The following EIF2D variants were observed in gnomAD, a reference collection of about 807,000 sequenced individuals.
EIF2D encodes eukaryotic translation initiation factor 2D.
In EIF2D, 56 loss-of-function variants were observed where a neutral mutation model predicts 77.4. The observed-to-expected ratio is 0.72, with a 90% CI of 0.58 to 0.90. The LOEUF (loss-of-function observed/expected upper bound fraction) is 0.90, where lower values mean the gene tolerates loss of function less well. Ranked by LOEUF, EIF2D falls within the 40% of genes least tolerant of loss-of-function variation. EIF2D has a pLI of 0.00. For missense variants in EIF2D, 574 were observed against 706.5 expected, an observed-to-expected ratio of 0.81 and a Z score of 2.13; for synonymous variants, 230 against 271.0, an observed-to-expected ratio of 0.85 and a Z score of 1.49.
Position 206,608,232 on chromosome 1 carries a change from G to A in EIF2D, c.422+4C>T, listed in dbSNP as rs782520765. On this transcript the variant is annotated splice_donor_region_variant and intron_variant, in intron 4 of 14. Coordinates refer to ENST00000271764, the MANE Select transcript of EIF2D (RefSeq NM_006893.3). ...CCCAAAGGCACAGTTGCCTGGCACA[G>A]TACCTGTTCCCCACCAAAGAAATGG... The A allele has an allele frequency of 1.8e-5, 29 of 1,612,618 alleles. No homozygotes were observed. Among genetic ancestry groups the A allele is most frequent in the Admixed American group, 5.0e-5 (3 of 59,830 alleles).
chr1:206,605,791 ATC>A lies in EIF2D; in HGVS notation c.423-286_423-285del, dbSNP rs139289336. On this transcript the variant is annotated intron_variant, in intron 4 of 14. Transcript: ENST00000271764. ...TTGTTTTATTCCTGCTGTGAATTAA[ATC>A]TCCAGGTGGGTCTTGGAAGGATATT... Among the ~76,000 whole-genome samples, 1,053 of 152,338 alleles carry A rather than the reference ATC, an allele frequency of 6.9e-3. 10 individuals are homozygous for A. Among genetic ancestry groups the A allele is most frequent in the African/African-American group, 0.024 (1,005 of 41,576 alleles).
chr1:206,582,858 T>G (rs1668947521), intron 2 of EIF2D, among the ~76,000 whole-genome samples: 1 of 152,188 alleles, frequency 6.6e-6, no homozygotes, highest in Non-Finnish European at 1.5e-5. Context: ...AGACCATGGC[T>G]TGTATTTCTT....
chr1:206,593,909 T>C (rs1558531021), intron 13 of EIF2D, 116 bp from the exon 14 acceptor site: 1 of 881,112 alleles, frequency 1.1e-6, no homozygotes, highest in African/African-American at 1.7e-5. Flanking sequence ...TGGTTCACCA[T>C]TCCTATAACC....
chr1:206,583,178 TG>T, intron 2 of EIF2D: 1 of 827,032 alleles, frequency 1.2e-6, no homozygotes, highest in Non-Finnish European at 2.1e-6. Flanking sequence ...GCTCACTTCT[TG>T]GTTAGAGAGG....
chr1:206,599,202 C>T lies in EIF2D; in HGVS notation c.1203-110G>A. 9.3e-7 allele frequency: 1 copy of T among 1,073,796 alleles called. No homozygotes were observed. Among genetic ancestry groups the T allele is most frequent in the Non-Finnish European group, 1.4e-6 (1 of 733,696 alleles). 66.5% of individuals were successfully genotyped at this position (1,073,796 alleles called of 1,614,324 possible). A position where few individuals can be genotyped will look rare whatever the true frequency, so the allele number is the denominator to read the frequency against. The stretch of plus-strand genomic sequence containing the variant: ...GCAGGGAACTTTCCTTAGCTTTCGG[C>T]CTCTAGTTTCTTCCCTTTTCCTGAC... On this transcript the variant is annotated intron_variant, in intron 10 of 14. Transcript: ENST00000271764. This position sits in a 1 kb window ranked among gnomAD's most constrained non-coding sequence, Gnocchi z 4.1.
intron 4 of EIF2D, 116 bp from the exon 5 acceptor site, chr1:206,605,623 TG>T (rs1670170951): frequency 3.1e-5 from 26 of 846,900 alleles, no homozygotes; most frequent in Non-Finnish European, 4.5e-5. Flanking sequence ...TCGAAGGTCT[TG>T]TATCATAAAA....
intron 14 of EIF2D, among the ~76,000 whole-genome samples, chr1:206,593,088 G>A (rs1553409209): frequency 6.7e-6 from 1 of 149,718 alleles, no homozygotes; most frequent in South Asian, 2.1e-4. Context: ...TCCAGCCTGG[G>A]TGACAGAGCG....
At chr1:206,605,590 G>T in intron 4 of EIF2D, 83 bp from the exon 5 acceptor site, 1 of 1,183,374 alleles carries the variant, frequency 8.5e-7, no homozygotes, top group Non-Finnish European at 1.2e-6. Flanking sequence ...GACACATGTG[G>T]TAAAAATACC....
At chr1:206,597,449 TG>T (rs1669705143) in intron 11 of EIF2D, among the ~76,000 whole-genome samples, 1 of 152,246 alleles carries the variant, frequency 6.6e-6, no homozygotes, top group South Asian at 2.1e-4. Flanking sequence ...TAACTAAGCA[TG>T]TGACCACAGC....
chr1:206,586,005 G>C (rs1669097321), intron 2 of EIF2D: 1 of 152,310 alleles, frequency 6.6e-6, no homozygotes. Context: ...TCCATGGACA[G>C]TAGCTGAATG....
In EIF2D at chr1:206,584,618, A is replaced by G; in HGVS notation, c.139-3456T>C. 6.2e-7 allele frequency: 1 copy of G among 1,614,188 alleles called. No individual in the cohort carries two copies. The highest frequency in any genetic ancestry group is 2.2e-5 in the East Asian group (1 of 44,886). On this transcript the variant is annotated intron_variant and NMD_transcript_variant, in intron 2 of 5. Coordinates refer to the EIF2D transcript ENST00000472709. This position sits in a 1 kb window ranked among gnomAD's most constrained non-coding sequence, Gnocchi z 4.9. ...TGAGGTCATCCAGGGGCTGCTCAAG[A>G]AGTTCATGGTTGTGGACAATCCCCA... is the stretch of plus-strand genomic sequence containing the variant.
rs782332000 is a variant in EIF2D at position 206,584,399 on chromosome 1, A to G, written c.139-3237T>C. ...CCCCCGCTGGCAGAGTGAAGACGGCACCTACACGGGTTTCATCAAAGTGCA... is the reference window on the plus strand; with the variant it reads ...CCCCCGCTGGCAGAGTGAAGACGGCGCCTACACGGGTTTCATCAAAGTGCA... On this transcript the variant is annotated intron_variant and NMD_transcript_variant, in intron 2 of 5. Transcript: ENST00000472709. This position sits in a 1 kb window ranked among gnomAD's most constrained non-coding sequence, Gnocchi z 4.9. 1 of 1,612,680 alleles carries G rather than the reference A, an allele frequency of 6.2e-7. No homozygotes were observed. The highest frequency in any genetic ancestry group is 8.5e-7 in the Non-Finnish European group (1 of 1,179,080).
chr1:206,589,231 A>G (rs1325119621), downstream of EIF2D: 1 of 152,684 alleles, frequency 6.5e-6, no homozygotes, highest in Non-Finnish European at 1.5e-5. Context: ...TGTCTTTCTT[A>G]TATGGGTTTT....
downstream of EIF2D, chr1:206,587,820 T>A (rs1210779587): frequency 6.6e-6 from 1 of 152,492 alleles, no homozygotes; most frequent in African/African-American, 2.4e-5. Flanking sequence ...CTGCTAAGTA[T>A]GGAAATCAGA....
At chr1:206,600,401 C>T (rs1669869972) in intron 7 of EIF2D, 93 bp from the exon 8 acceptor site, 3 of 1,178,634 alleles carry the variant, frequency 2.5e-6, no homozygotes, top group Admixed American at 1.9e-5. Flanking sequence ...CTCAGCCTTC[C>T]TCCCCCACCT....
At chr1:206,605,276 G>T (rs940828769) in intron 5 of EIF2D, 124 bp downstream of exon 5, 11 of 569,720 alleles carry the variant, frequency 1.9e-5, no homozygotes, top group Non-Finnish European at 3.3e-5. Context: ...GGAAATAAAA[G>T]TCTGGGCTTA....
rs1485523455 is a variant in EIF2D at position 206,584,146 on chromosome 1, C to T, written c.139-2984G>A. Among the ~76,000 whole-genome samples the T allele has an allele frequency of 1.3e-5, 2 of 152,170 alleles. No individual in the cohort carries two copies. The highest frequency in any genetic ancestry group is 2.9e-5 in the Non-Finnish European group (2 of 68,016). The stretch of plus-strand genomic sequence containing the variant: ...GGTTTAGGGAGCTGGCCTGAGCCTC[C>T]TGGGAGGGAAATCCACTGCAGCCCC... On this transcript the variant is annotated intron_variant and NMD_transcript_variant, in intron 2 of 5. Coordinates refer to the EIF2D transcript ENST00000472709. This position sits in a 1 kb window ranked among gnomAD's most constrained non-coding sequence, Gnocchi z 4.9.
intron 11 of EIF2D, among the ~76,000 whole-genome samples, chr1:206,598,638 A>ACG (rs201032409): frequency 0.47 from 71,517 of 151,824 alleles, 17,008 homozygotes; most frequent in African/African-American, 0.55. Context: ...ACAAAATACC[A>ACG]TGCACCCCAT....
rs782062586 is a variant in EIF2D at position 206,595,839 on chromosome 1, C to T, written c.1389-1G>A. 1 of 1,613,922 alleles carries T rather than the reference C, an allele frequency of 6.2e-7. No individual in the cohort carries two copies. The highest frequency in any genetic ancestry group is 1.1e-5 in the South Asian group (1 of 91,058). On this transcript the variant is annotated splice_acceptor_variant, in intron 12 of 14. Coordinates refer to ENST00000271764, the MANE Select transcript of EIF2D (RefSeq NM_006893.3). LOFTEE classifies it high-confidence loss of function. ...GGCAGGCTGTAATTTTTCCAAACAC[C>T]TGAAACAGAAGTTATGAGTTGCAAA... is the stretch of plus-strand genomic sequence containing the variant.
Sources: gnomAD v4.1 joint callset for allele counts (sites outside exome capture counted in the v4.1 genomes callset) on GRCh38, gnomAD v4.1.1 for gene constraint, Gnocchi (gnomAD v3.1) non-coding constraint, MANE v1.5 for transcripts, NCBI Gene and HGNC (gene_info 2026-07-23, HGNC 2026-07-21) for gene names.